PTPRT: variants seen among roughly 807,000 people sequenced by gnomAD.
The protein encoded by PTPRT is receptor-type tyrosine-protein phosphatase T.
A neutral mutation model predicts 176.8 loss-of-function variants in PTPRT; 56 were observed. The observed-to-expected ratio is 0.32, with a 90% CI of 0.26 to 0.40. The LOEUF (loss-of-function observed/expected upper bound fraction) is 0.40, where lower values mean the gene tolerates loss of function less well. Among genes scored for constraint, PTPRT ranks in the 10% least tolerant of loss-of-function variants. PTPRT has a pLI of 1.00. For synonymous variants in PTPRT, 783 were observed against 739.0 expected, an observed-to-expected ratio of 1.06 and a Z score of -0.96; for missense variants, 1,540 against 1,908.2, an observed-to-expected ratio of 0.81 and a Z score of 3.60.
intron 7 of PTPRT, among the ~76,000 whole-genome samples, chr20:42,490,588 C>T (rs1464576901): frequency 6.6e-6 from 1 of 152,068 alleles, no homozygotes; most frequent in East Asian, 1.9e-4. Flanking sequence ...TCTCTTATTA[C>T]CACAATTTTT....
At chr20:42,971,814 C>T (rs893501308) in intron 1 of PTPRT, among the ~76,000 whole-genome samples, 14 of 152,056 alleles carry the variant, frequency 9.2e-5, no homozygotes, top group African/African-American at 3.4e-4. Context: ...TCCTGCTTAC[C>T]TACAATGATT....
chr20:42,535,012 C>T lies in PTPRT; in HGVS notation c.1154-62450G>A, dbSNP rs542163187. ...GGAAAGTGAGCCCTGCTGTTAATCC[C>T]TATTATGCGGATAAGAAACAGAGGG... On this transcript the variant is annotated intron_variant, in intron 7 of 30. Coordinates refer to ENST00000373187, the MANE Select transcript of PTPRT (RefSeq NM_007050.6). Among the ~76,000 whole-genome samples, 28 of 152,270 alleles carry T rather than the reference C, an allele frequency of 1.8e-4. No homozygotes were observed. The South Asian group carries it at 2.3e-3, about 12-fold the overall frequency.
chr20:42,699,187 C>G (rs892076672), intron 6 of PTPRT, among the ~76,000 whole-genome samples: 3 of 152,180 alleles, frequency 2.0e-5, no homozygotes, highest in Admixed American at 6.5e-5. Context: ...CATATTTACA[C>G]TGATCACATC....
At chr20:42,059,529 G>C in the PTPRT span, among the ~76,000 whole-genome samples, 34 of 152,294 alleles carry the variant, frequency 2.2e-4, 1 homozygote, top group Admixed American at 1.2e-3. Flanking sequence ...TGTGATATCT[G>C]CCATTTTTGA....
intron 2 of PTPRT, among the ~76,000 whole-genome samples, chr20:42,822,076 A>G (rs1426566185): frequency 6.6e-6 from 1 of 152,196 alleles, no homozygotes. Flanking sequence ...TTTCATATGG[A>G]ATCAAAGAAG....
At chr20:42,646,511 A>T (rs2074903903) in intron 7 of PTPRT, among the ~76,000 whole-genome samples, 2 of 152,154 alleles carry the variant, frequency 1.3e-5, no homozygotes, top group Admixed American at 1.3e-4. Flanking sequence ...CTAGAGCTGC[A>T]CTTCCAATAT....
chr20:42,875,603 T>A (rs1466367162), intron 2 of PTPRT, among the ~76,000 whole-genome samples: 2 of 152,212 alleles, frequency 1.3e-5, no homozygotes, highest in Admixed American at 6.5e-5. Context: ...CTCTTAGGTG[T>A]TAGTTGAATA....
intron 17 of PTPRT, among the ~76,000 whole-genome samples, chr20:42,148,228 CTCT>C (rs1988959472): frequency 6.8e-6 from 1 of 147,016 alleles, no homozygotes; most frequent in African/African-American, 2.5e-5. Context: ...ATGTTTCCTA[CTCT>C]TCAACAGTGT....
intron 1 of PTPRT, among the ~76,000 whole-genome samples, chr20:43,102,056 C>T (rs1171667705): frequency 1.3e-5 from 2 of 152,142 alleles, no homozygotes; most frequent in Non-Finnish European, 2.9e-5. Context: ...GGCAAAAGGG[C>T]ATGGAGCCCT....
intron 9 of PTPRT, among the ~76,000 whole-genome samples, chr20:42,430,366 C>G (rs775846001): frequency 7.9e-5 from 12 of 152,190 alleles, no homozygotes; most frequent in Non-Finnish European, 1.2e-4. Flanking sequence ...TCAACGTGCA[C>G]AGTGACAACC....
At chr20:42,045,290 G>A in the PTPRT span, among the ~76,000 whole-genome samples, 1 of 151,962 alleles carries the variant, frequency 6.6e-6, no homozygotes. Flanking sequence ...CCATCACAGT[G>A]ATTGCAAGAG....
intron 1 of PTPRT, among the ~76,000 whole-genome samples, chr20:43,081,988 T>G (rs1398029694): frequency 1.3e-5 from 2 of 152,228 alleles, no homozygotes; most frequent in African/African-American, 2.4e-5. Context: ...ATTGTGGTAT[T>G]GTGGCATTCC....
chr20:42,084,885 T>G (rs907439173), intron 28 of PTPRT, 40 bp from the exon 29 acceptor site: 1 of 1,364,304 alleles, frequency 7.3e-7, no homozygotes, highest in African/African-American at 1.5e-5. Context: ...CTGCTGGGGA[T>G]GCTTGCGTAC....
At chr20:43,128,792 T>G (rs369913541) in intron 1 of PTPRT, among the ~76,000 whole-genome samples, 23 of 152,276 alleles carry the variant, frequency 1.5e-4, no homozygotes, top group Non-Finnish European at 2.5e-4. Flanking sequence ...GCCCACTCTG[T>G]CTGGCTGGGT....
chr20:42,925,852 C>A (rs933022425), intron 1 of PTPRT, among the ~76,000 whole-genome samples: 1 of 152,230 alleles, frequency 6.6e-6, no homozygotes, highest in African/African-American at 2.4e-5. Flanking sequence ...CTGGCACTCT[C>A]TGATACCTAC....
At chr20:42,514,372 C>T (rs1359581331) in intron 7 of PTPRT, among the ~76,000 whole-genome samples, 4 of 152,198 alleles carry the variant, frequency 2.6e-5, no homozygotes, top group Non-Finnish European at 4.4e-5. Flanking sequence ...GATTTTAATA[C>T]AATTTCTCAG....
chr20:42,559,644 A>G (rs2072917795), intron 7 of PTPRT, among the ~76,000 whole-genome samples: 1 of 152,076 alleles, frequency 6.6e-6, no homozygotes, highest in Admixed American at 6.6e-5. Flanking sequence ...ATGCTCTTTG[A>G]CCCCTGACTT....
At chr20:42,381,042 C>A (rs1397027173) in intron 9 of PTPRT, among the ~76,000 whole-genome samples, 1 of 152,088 alleles carries the variant, frequency 6.6e-6, no homozygotes, top group Admixed American at 6.5e-5. Flanking sequence ...TTTAAACAAC[C>A]AGATCTCACG....
rs556183741 is a variant in PTPRT at position 42,965,102 on chromosome 20, C to T, written c.89-79170G>A. 5.3e-5 allele frequency among the ~76,000 whole-genome samples: 8 copies of T among 152,236 alleles called. No homozygotes were observed. The South Asian group carries it at 1.7e-3, about 32-fold the overall frequency. On this transcript the variant is annotated intron_variant, in intron 1 of 30. Coordinates refer to ENST00000373187, the MANE Select transcript of PTPRT (RefSeq NM_007050.6). ...GTAAACTCACTGCTTTTTCATATAA[C>T]CCCACCAACAAATTTGGAAAGATAA...
Sources: gnomAD v4.1 joint callset for allele counts (sites outside exome capture counted in the v4.1 genomes callset) on GRCh38, gnomAD v4.1.1 for gene constraint, MANE v1.5 for transcripts, NCBI Gene and HGNC (gene_info 2026-07-23, HGNC 2026-07-21) for gene names.